BRD4: variants seen among roughly 807,000 people sequenced by gnomAD.
The protein encoded by BRD4 is bromodomain-containing protein 4.
BRD4 carries 16 observed loss-of-function variants against 142.1 expected under a neutral mutation model. That is an observed-to-expected ratio of 0.11 (90% CI 0.08 to 0.17). The LOEUF (loss-of-function observed/expected upper bound fraction) is 0.17. BRD4 is among the 10% of genes least tolerant of loss of function. BRD4 has a pLI of 1.00. For synonymous variants in BRD4, 833 were observed against 707.5 expected (o/e 1.18, Z -2.82); for missense variants, 1,424 against 1,810.9 (o/e 0.79, Z 3.88).
chr19:15,316,283 T>TC (rs1460810475), intron 1 of BRD4, among the ~76,000 whole-genome samples: 5 of 151,314 alleles, frequency 3.3e-5, no homozygotes, highest in African/African-American at 1.2e-4. Context: ...TTTACTTACT[T>TC]CCCCCCAACC....
chr19:15,259,087 G>A (rs185607149), intron 7 of BRD4, among the ~76,000 whole-genome samples: 1 of 151,688 alleles, frequency 6.6e-6, no homozygotes, highest in African/African-American at 2.4e-5. Context: ...TGCAGCACCC[G>A]GCTACGTGGC....
rs1398722884 is a variant in BRD4, at chr19:15,241,921, TCCCGCC to T, written c.3169+973_3169+978del. Among the ~76,000 whole-genome samples the T allele has an allele frequency of 1.7e-3, 247 of 149,048 alleles. 7 individuals are homozygous for T. In the East Asian group the frequency reaches 0.047, roughly 28 times the overall value. On this transcript the variant is annotated intron_variant, in intron 14 of 19. Coordinates refer to ENST00000679869, the MANE Select transcript of BRD4 (RefSeq NM_001379291.1). The stretch of plus-strand genomic sequence containing the variant: ...TCCGCCTCCCAGACTCAAGCGATTC[TCCCGCC>T]TCAGCCTCCCAAGTGGCTGGGATTA...
At chr19:15,248,892 CAA>C (rs2047315698) in intron 11 of BRD4, 1 of 337,350 alleles carries the variant, frequency 3.0e-6, no homozygotes. Context: ...AGGGATGGGA[CAA>C]AGAGAGAAAA....
chr19:15,258,851 A>G (rs1046148238), intron 7 of BRD4, among the ~76,000 whole-genome samples: 1 of 152,252 alleles, frequency 6.6e-6, no homozygotes, highest in African/African-American at 2.4e-5. Flanking sequence ...GTGGTCTACA[A>G]TGAAAAGTGC....
chr19:15,274,167 A>G (rs1240642283), intron 1 of BRD4, among the ~76,000 whole-genome samples: 1 of 152,252 alleles, frequency 6.6e-6, no homozygotes, highest in Non-Finnish European at 1.5e-5. Flanking sequence ...CCTTGGGTCC[A>G]GTGTACCAGT....
chr19:15,324,247 G>C (rs2048089140), intron 1 of BRD4, among the ~76,000 whole-genome samples: 1 of 152,104 alleles, frequency 6.6e-6, no homozygotes, highest in Non-Finnish European at 1.5e-5. Flanking sequence ...TCTACACCTA[G>C]GATAAACGAA....
At chr19:15,267,316 T>C in intron 4 of BRD4, 100 bp downstream of exon 4, 1 of 1,434,270 alleles carries the variant, frequency 7.0e-7, no homozygotes, top group Non-Finnish European at 9.6e-7. Context: ...ATGCAGTATA[T>C]AATGTCACAT....
chr19:15,296,607 CTA>C (rs2145678893), intron 1 of BRD4, among the ~76,000 whole-genome samples: 1 of 152,270 alleles, frequency 6.6e-6, no homozygotes, highest in Non-Finnish European at 1.5e-5. Flanking sequence ...GGAGAGTAAA[CTA>C]TGGCCGCTGA....
chr19:15,309,050 T>C (rs1349902421), intron 1 of BRD4, among the ~76,000 whole-genome samples: 1 of 134,478 alleles, frequency 7.4e-6, no homozygotes, highest in Non-Finnish European at 1.6e-5. Flanking sequence ...AAATAAAAAC[T>C]TTAGGGCCGG....
chr19:15,242,755 G>T, intron 14 of BRD4, 145 bp downstream of exon 14: 1 of 1,288,308 alleles, frequency 7.8e-7, no homozygotes. Context: ...AAGCACCAAT[G>T]ACCCTTCCAG....
chr19:15,314,000 C>T (rs532536963), intron 1 of BRD4, among the ~76,000 whole-genome samples: 1 of 152,280 alleles, frequency 6.6e-6, no homozygotes, highest in African/African-American at 2.4e-5. Context: ...CTTAGGAACT[C>T]AGGGGCTATC....
In BRD4 at chr19:15,244,760, T is replaced by A; in HGVS notation, c.2161A>T (p.Met721Leu). 1 of 1,614,006 alleles carries A rather than the reference T, an allele frequency of 6.2e-7. No individual in the cohort carries two copies. The highest frequency in any genetic ancestry group is 8.5e-7 in the Non-Finnish European group (1 of 1,180,012). ...CCCTTCTTTTTTGACTTCGGAGCCA[T>A]CTCTGCAGAGGAAAAGAGAAGGTAG... The part of the protein sequence containing the change: ...SSDSEDSETE[M>L]APKSKKKGHP... Residue 721 changes from methionine to leucine, a missense_variant and splice_region_variant, in exon 12 of 20, where the codon ATG becomes TTG. By Grantham distance (15) the Met-to-Leu change is conservative (BLOSUM62 2). Coordinates refer to ENST00000679869, the MANE Select transcript of BRD4 (RefSeq NM_001379291.1).
At chr19:15,253,750 C>G (rs1287847173) in intron 11 of BRD4, 1 of 1,598,348 alleles carries the variant, frequency 6.3e-7, no homozygotes, top group African/African-American at 1.3e-5. Flanking sequence ...CGGGGAAGGC[C>G]CTGGGGACAC....
At chr19:15,282,313 G>A (rs184887848) in intron 1 of BRD4, among the ~76,000 whole-genome samples, 2 of 152,374 alleles carry the variant, frequency 1.3e-5, no homozygotes, top group East Asian at 3.8e-4. Flanking sequence ...AGAATGTGAT[G>A]TTACATCAGA....
In BRD4 at chr19:15,239,357, A is replaced by C. The variant is rs760849221; in HGVS notation, c.3576+35T>G. 8.7e-6 allele frequency: 14 copies of C among 1,613,994 alleles called. No individual in the cohort carries two copies. The highest frequency in any genetic ancestry group is 1.2e-5 in the Non-Finnish European group (14 of 1,180,028). On this transcript the variant is annotated intron_variant, in intron 17 of 19. Coordinates refer to ENST00000679869, the MANE Select transcript of BRD4 (RefSeq NM_001379291.1). The surrounding 1 kb of genome is among the most constrained non-coding windows in gnomAD (Gnocchi z 7.4). Reference sequence around the variant, plus strand: ...CCCAGCATGGCACCTTCCAGGGCCAAGGGGCAAGCGACACCCATGGACCTC... The same window carrying C: ...CCCAGCATGGCACCTTCCAGGGCCACGGGGCAAGCGACACCCATGGACCTC...
In BRD4 at chr19:15,332,432, A is replaced by AGCCGCCGCAGCCGCT. The variant is rs2048170663; in HGVS notation, c.-192_-178dup. 1.4e-5 allele frequency: 2 copies of AGCCGCCGCAGCCGCT among 145,982 alleles called. No homozygotes were observed. Among genetic ancestry groups the AGCCGCCGCAGCCGCT allele is most frequent in the Non-Finnish European group, 3.0e-5 (2 of 65,706 alleles). 9.0% of individuals were successfully genotyped at this position (145,982 alleles called of 1,614,324 possible). A position where few individuals can be genotyped will look rare whatever the true frequency, so the allele number is the denominator to read the frequency against. ...GCGCTCGCCCGCGGGCACCGCCGGC[A>AGCCGCCGCAGCCGCT]GCCGCCGCAGCCGCTGCCGCCGCCA... On this transcript the variant is annotated 5_prime_UTR_variant, in exon 1 of 20. Coordinates refer to ENST00000679869, the MANE Select transcript of BRD4 (RefSeq NM_001379291.1).
intron 1 of BRD4, among the ~76,000 whole-genome samples, chr19:15,328,314 T>C (rs915422488): frequency 2.0e-5 from 3 of 152,198 alleles, no homozygotes; most frequent in Non-Finnish European, 2.9e-5. Flanking sequence ...ATTGACAACA[T>C]GAGATTCACA....
chr19:15,247,422 G>A (rs1267215232), intron 11 of BRD4: 2 of 232,566 alleles, frequency 8.6e-6, no homozygotes, highest in African/African-American at 2.2e-5. Flanking sequence ...AGTCTAATGA[G>A]CTTTCAAGTT....
In BRD4 at chr19:15,264,692, C is replaced by A. The variant is rs887402513; in HGVS notation, c.924G>T (p.Ser308=). The part of the protein sequence containing the change: ...TTIDPIHEPP[S]LPPEPKTTKL... ...TGGTGGTCTTGGGCTCCGGGGGCAGCGAGGGTGGCTCGTGAATGGGGTCAA... is the reference window on the plus strand; with the variant it reads ...TGGTGGTCTTGGGCTCCGGGGGCAGAGAGGGTGGCTCGTGAATGGGGTCAA... The change falls in exon 6 of 20, where the codon TCG becomes TCT. Residue 308 remains serine (S), a synonymous_variant. Coordinates refer to ENST00000679869, the MANE Select transcript of BRD4 (RefSeq NM_001379291.1). 6.2e-7 allele frequency: 1 copy of A among 1,613,312 alleles called. No homozygotes were observed. The highest frequency in any genetic ancestry group is 1.1e-5 in the South Asian group (1 of 91,022).
Sources: allele counts gnomAD v4.1 joint callset (sites outside exome capture counted in the v4.1 genomes callset), GRCh38; gene constraint gnomAD v4.1.1; non-coding constraint Gnocchi (gnomAD v3.1); transcripts MANE v1.5; gene names NCBI Gene and HGNC (gene_info 2026-07-23, HGNC 2026-07-21).